FOXP2: variants seen among roughly 807,000 people sequenced by gnomAD.
FOXP2 encodes forkhead box protein P2.
In FOXP2, 12 loss-of-function variants were observed where a neutral mutation model predicts 115.8. That is an observed-to-expected ratio of 0.10 (90% CI 0.07 to 0.17). The LOEUF (loss-of-function observed/expected upper bound fraction) is 0.17. Among genes scored for constraint, FOXP2 ranks in the 10% least tolerant of loss-of-function variants. FOXP2 has a pLI of 1.00. For missense variants in FOXP2, 629 were observed against 843.5 expected, an observed-to-expected ratio of 0.75 and a Z score of 3.15; for synonymous variants, 328 against 297.7, an observed-to-expected ratio of 1.10 and a Z score of -1.05.
intron 2 of FOXP2, among the ~76,000 whole-genome samples, chr7:114,384,323 G>T (rs568816637): frequency 3.0e-4 from 45 of 152,278 alleles, no homozygotes; most frequent in African/African-American, 1.1e-3. Flanking sequence ...ATAAACAACA[G>T]TTCTTATGCA....
intron 2 of FOXP2, among the ~76,000 whole-genome samples, chr7:114,370,562 C>A (rs970913214): frequency 6.6e-6 from 1 of 152,128 alleles, no homozygotes; most frequent in Non-Finnish European, 1.5e-5. Flanking sequence ...ACCAATTTAC[C>A]AGAACATGTA....
intron 2 of FOXP2, chr7:114,463,039 G>A (rs1177930385): frequency 2.3e-6 from 1 of 431,468 alleles, no homozygotes; most frequent in Non-Finnish European, 4.6e-6. Context: ...CATTTATTAT[G>A]TTTTTTAGAG....
At chr7:114,372,499 A>G (rs1792037873) in intron 2 of FOXP2, among the ~76,000 whole-genome samples, 1 of 152,184 alleles carries the variant, frequency 6.6e-6, no homozygotes, top group Non-Finnish European at 1.5e-5. Flanking sequence ...AATAAAAACT[A>G]TTTTAAAAGC....
chr7:114,288,197 G>A, intron 2 of FOXP2: 1 of 415,564 alleles, frequency 2.4e-6, no homozygotes, highest in Non-Finnish European at 4.8e-6. Context: ...AGTTTTTTTG[G>A]TTAAATATGT....
At chr7:114,283,652 T>A (rs1010287024) in intron 1 of FOXP2, among the ~76,000 whole-genome samples, 1 of 151,742 alleles carries the variant, frequency 6.6e-6, no homozygotes, top group African/African-American at 2.4e-5. Flanking sequence ...TAGAAAAAAA[T>A]TAAAATTAAA....
intron 1 of FOXP2, among the ~76,000 whole-genome samples, chr7:114,129,462 TGCCATATA>T (rs1406339886): frequency 1.3e-5 from 2 of 152,054 alleles, no homozygotes; most frequent in African/African-American, 4.8e-5. Context: ...CATGGGTCAA[TGCCATATA>T]GCAGGTCTTA....
upstream of FOXP2, among the ~76,000 whole-genome samples, chr7:114,410,287 C>T (rs939664776): frequency 2.6e-5 from 4 of 152,032 alleles, no homozygotes; most frequent in Non-Finnish European, 5.9e-5. Context: ...ATGAATTCTT[C>T]TCCTACTTTC....
At chr7:114,123,568 A>G (rs1371389069) in intron 1 of FOXP2, among the ~76,000 whole-genome samples, 1 of 152,058 alleles carries the variant, frequency 6.6e-6, no homozygotes, top group East Asian at 1.9e-4. Context: ...GAAATCTTTT[A>G]TCATCCTGGG....
chr7:114,482,618 G>T (rs1254620630), intron 2 of FOXP2, among the ~76,000 whole-genome samples: 1 of 150,960 alleles, frequency 6.6e-6, no homozygotes, highest in Non-Finnish European at 1.5e-5. Flanking sequence ...TGCTTTTTTG[G>T]TTCTCCATCA....
At chr7:114,412,204 T>C (rs1051227798), upstream of FOXP2, among the ~76,000 whole-genome samples, 1 of 152,136 alleles carries the variant, frequency 6.6e-6, no homozygotes, top group South Asian at 2.1e-4. Flanking sequence ...TTGGAAGATA[T>C]AAGTTAAAAT....
At chr7:114,514,866 C>T (rs1000567524) in intron 2 of FOXP2, among the ~76,000 whole-genome samples, 6 of 150,994 alleles carry the variant, frequency 4.0e-5, no homozygotes, top group African/African-American at 1.2e-4. Context: ...ATCCCTCCCC[C>T]TTCCCCCCAC....
At chr7:114,635,671 G>T (rs1805178426) in intron 6 of FOXP2, among the ~76,000 whole-genome samples, 2 of 152,098 alleles carry the variant, frequency 1.3e-5, no homozygotes, top group South Asian at 4.2e-4. Context: ...TATAATTCTT[G>T]TAGAATTATT....
chr7:114,233,398 T>C (rs1390258931), intron 1 of FOXP2, among the ~76,000 whole-genome samples: 1 of 152,246 alleles, frequency 6.6e-6, no homozygotes, highest in Admixed American at 6.5e-5. Context: ...ATATAAAATA[T>C]GAATGAATCT....
At chr7:114,244,963 C>T (rs1795244581) in intron 1 of FOXP2, among the ~76,000 whole-genome samples, 1 of 152,052 alleles carries the variant, frequency 6.6e-6, no homozygotes, top group Non-Finnish European at 1.5e-5. Context: ...GGGGTTTCAC[C>T]GTGTTAGCCA....
chr7:114,383,745 A>G (rs1792368710), intron 2 of FOXP2, among the ~76,000 whole-genome samples: 2 of 152,166 alleles, frequency 1.3e-5, no homozygotes, highest in Admixed American at 6.5e-5. Flanking sequence ...CTAATTCTCC[A>G]GAATACATCT....
intron 1 of FOXP2, among the ~76,000 whole-genome samples, chr7:114,278,025 T>TA (rs1198719493): frequency 0.068 from 5,179 of 76,140 alleles, 216 homozygotes; most frequent in Non-Finnish European, 0.1. Context: ...AGACCTTGTC[T>TA]AAAAAAAAAA....
chr7:114,561,947 G>A (rs1318459066), intron 3 of FOXP2, among the ~76,000 whole-genome samples: 1 of 152,074 alleles, frequency 6.6e-6, no homozygotes, highest in Non-Finnish European at 1.5e-5. Flanking sequence ...GGGCCACCAT[G>A]TCTAACTTGG....
At chr7:114,656,034 C>T (rs570038473) in intron 10 of FOXP2, among the ~76,000 whole-genome samples, 1 of 152,254 alleles carries the variant, frequency 6.6e-6, no homozygotes, top group East Asian at 1.9e-4. Context: ...TCTATTTTAT[C>T]AGTTTGTGAT....
chr7:114,438,499 T>A (rs1039673979), intron 2 of FOXP2, among the ~76,000 whole-genome samples: 2 of 151,610 alleles, frequency 1.3e-5, no homozygotes, highest in Non-Finnish European at 2.9e-5. Flanking sequence ...TATGGAAATA[T>A]TTATATATTT....
Sources: allele counts gnomAD v4.1 joint callset (sites outside exome capture counted in the v4.1 genomes callset), GRCh38; gene constraint gnomAD v4.1.1; transcripts MANE v1.5; gene names NCBI Gene and HGNC (gene_info 2026-07-23, HGNC 2026-07-21).